Variants in AFF3 observed in about 807,000 individuals in gnomAD.
AFF3 encodes the protein AF4/FMR2 family member 3.
In AFF3, 32 loss-of-function variants were observed where a neutral mutation model predicts 129.7. That is an observed-to-expected ratio of 0.25 (90% CI 0.19 to 0.33). The LOEUF (loss-of-function observed/expected upper bound fraction) is 0.33. AFF3 is among the 10% of genes least tolerant of loss of function. The probability of loss-of-function intolerance (pLI) is 1.00; values close to 1 mark genes in which losing one functional copy is unlikely to be tolerated. For synonymous variants in AFF3, 644 were observed against 635.4 expected (o/e 1.01, Z -0.20); for missense variants, 1,373 against 1,592.0 (o/e 0.86, Z 2.34).
intron 15 of AFF3, 148 bp from the exon 16 acceptor site, chr2:99,587,426 C>A: frequency 1.2e-6 from 1 of 845,362 alleles, no homozygotes; most frequent in East Asian, 2.5e-5. Flanking sequence ...GTGCCCCTGC[C>A]ATAGCTTCCC....
chr2:99,559,353 G>A (rs1575348831), intron 21 of AFF3, among the ~76,000 whole-genome samples: 1 of 152,222 alleles, frequency 6.6e-6, no homozygotes. Context: ...CGGAAAGGAC[G>A]ACGCTGCCAC....
In AFF3 at chr2:99,611,560, T is replaced by C. The variant is rs181046805; in HGVS notation, c.1185-9939A>G. On this transcript the variant is annotated intron_variant, in intron 13 of 24. Coordinates refer to ENST00000672756, the MANE Select transcript of AFF3 (RefSeq NM_001386135.1). The stretch of plus-strand genomic sequence containing the variant: ...ATGGAGAGGGGGCCACAGTTTTTTT[T>C]CCCCCCACGGTGTTTGTCTGGAATA... Among the ~76,000 whole-genome samples, 779 of 152,062 alleles carry C rather than the reference T, an allele frequency of 5.1e-3. 5 individuals are homozygous for C. The highest frequency in any genetic ancestry group is 8.3e-3 in the Non-Finnish European group (562 of 67,972).
At chr2:100,029,730 CACA>C in intron 4 of AFF3, among the ~76,000 whole-genome samples, 1 of 152,232 alleles carries the variant, frequency 6.6e-6, no homozygotes, top group South Asian at 2.1e-4. Context: ...AGATTGGTTG[CACA>C]ACAATATGAA....
chr2:100,113,613 A>G (rs1691609031), intron 2 of AFF3, among the ~76,000 whole-genome samples: 1 of 152,192 alleles, frequency 6.6e-6, no homozygotes, highest in South Asian at 2.1e-4. Context: ...ACTATAACGT[A>G]TTACCTGCTA....
intron 8 of AFF3, among the ~76,000 whole-genome samples, chr2:99,791,495 C>T (rs1685184941): frequency 6.6e-6 from 1 of 152,192 alleles, no homozygotes; most frequent in Non-Finnish European, 1.5e-5. Flanking sequence ...TTCCCTGGCG[C>T]CTGAACGTTT....
At chr2:99,998,567 T>C (rs926631828) in intron 7 of AFF3, among the ~76,000 whole-genome samples, 1 of 152,222 alleles carries the variant, frequency 6.6e-6, no homozygotes, top group Non-Finnish European at 1.5e-5. Context: ...ATTTTTCTAT[T>C]TTCTGCTGTT....
intron 11 of AFF3, among the ~76,000 whole-genome samples, chr2:99,683,521 C>A (rs2104575002): frequency 6.6e-6 from 1 of 152,166 alleles, no homozygotes; most frequent in South Asian, 2.1e-4. Context: ...GATATCACAG[C>A]TCACTGCAGC....
At chr2:99,790,092 G>A (rs1389564678) in intron 8 of AFF3, among the ~76,000 whole-genome samples, 3 of 152,174 alleles carry the variant, frequency 2.0e-5, no homozygotes, top group East Asian at 3.8e-4. Flanking sequence ...TTCTTCCAAC[G>A]AAATGACTAC....
At chr2:99,928,560 C>T (rs1174875480) in intron 7 of AFF3, among the ~76,000 whole-genome samples, 1 of 152,208 alleles carries the variant, frequency 6.6e-6, no homozygotes, top group Non-Finnish European at 1.5e-5. Context: ...AGCTTGAAAG[C>T]TGCCATGGAT....
At chr2:99,954,917 A>C (rs1676495557) in intron 7 of AFF3, among the ~76,000 whole-genome samples, 1 of 151,864 alleles carries the variant, frequency 6.6e-6, no homozygotes, top group Non-Finnish European at 1.5e-5. Context: ...AAGTATAATA[A>C]TAATAAAATA....
At chr2:99,823,508 G>A (rs753769148) in intron 8 of AFF3, among the ~76,000 whole-genome samples, 6 of 152,066 alleles carry the variant, frequency 3.9e-5, no homozygotes, top group African/African-American at 7.3e-5. Context: ...TGAGACTATT[G>A]AAAAGATATT....
intron 7 of AFF3, among the ~76,000 whole-genome samples, chr2:99,947,544 AG>A (rs1272723595): frequency 7.0e-6 from 1 of 143,682 alleles, no homozygotes; most frequent in Non-Finnish European, 1.5e-5. Context: ...AGAAAAAGAG[AG>A]AAAGAAAGAG....
At chr2:100,137,780 G>T (rs1029675032) in intron 1 of AFF3, among the ~76,000 whole-genome samples, 69 of 152,176 alleles carry the variant, frequency 4.5e-4, no homozygotes, top group Non-Finnish European at 1.0e-4. Context: ...TATCTGCCTT[G>T]CAGGGGTGTT....
chr2:99,954,170 T>C (rs1260545659), intron 7 of AFF3, among the ~76,000 whole-genome samples: 2 of 152,052 alleles, frequency 1.3e-5, no homozygotes, highest in East Asian at 1.9e-4. Context: ...TGATGTGTTT[T>C]TGTATACCTT....
intron 11 of AFF3, among the ~76,000 whole-genome samples, chr2:99,679,121 C>A (rs919971184): frequency 6.6e-6 from 1 of 152,168 alleles, no homozygotes. Flanking sequence ...TGAAGGGGTG[C>A]TCTACTTGAC....
At chr2:99,985,339 A>G (rs1302258610) in intron 7 of AFF3, among the ~76,000 whole-genome samples, 2 of 152,234 alleles carry the variant, frequency 1.3e-5, no homozygotes, top group Admixed American at 6.5e-5. Flanking sequence ...TGCCATGAAC[A>G]TGACCTCCTT....
rs990077687 is a variant in AFF3 at position 99,886,120 on chromosome 2, T to G, written c.874-48596A>C. On this transcript the variant is annotated intron_variant, in intron 7 of 24. Transcript: ENST00000672756. ...CCCCAAAATGCATTTAAAAATCTCT[T>G]TCAAATATACCTCGTATGTACCCTC... Among the ~76,000 whole-genome samples the G allele has an allele frequency of 5.3e-5, 8 of 152,200 alleles. No individual in the cohort carries two copies. In the East Asian group the frequency reaches 1.3e-3, roughly 26 times the overall value.
intron 8 of AFF3, among the ~76,000 whole-genome samples, chr2:99,821,356 T>C (rs1251525524): frequency 2.6e-5 from 4 of 152,180 alleles, no homozygotes; most frequent in African/African-American, 9.7e-5. Flanking sequence ...ATAAAAATTA[T>C]AGTATAGTCC....
At chr2:100,003,884 T>C (rs1681687800) in intron 7 of AFF3, among the ~76,000 whole-genome samples, 1 of 152,160 alleles carries the variant, frequency 6.6e-6, no homozygotes. Context: ...TAATTTGGAC[T>C]GTAAATGAGA....
Sources: allele counts gnomAD v4.1 joint callset (sites outside exome capture counted in the v4.1 genomes callset), GRCh38; gene constraint gnomAD v4.1.1; transcripts MANE v1.5; gene names NCBI Gene and HGNC (gene_info 2026-07-23, HGNC 2026-07-21).